The following NRG1 variants were observed in gnomAD, a reference collection of about 807,000 sequenced individuals.
NRG1 encodes neuregulin 1, also known as pro-neuregulin-1, membrane-bound isoform.
Under a neutral mutation model 63.8 loss-of-function variants are expected in NRG1, and 18 were observed. That is an observed-to-expected ratio of 0.28 (90% CI 0.19 to 0.42). The LOEUF (loss-of-function observed/expected upper bound fraction) is 0.42. Ranked by LOEUF, NRG1 falls within the 10% of genes least tolerant of loss-of-function variation. NRG1 has a pLI of 1.00. For missense variants in NRG1, 762 were observed against 814.7 expected (o/e 0.94, Z 0.79); for synonymous variants, 302 against 301.3 (o/e 1.00, Z -0.02).
At chr8:31,950,368 T>A (rs1372964205) in intron 1 of NRG1, among the ~76,000 whole-genome samples, 1 of 152,160 alleles carries the variant, frequency 6.6e-6, no homozygotes, top group Admixed American at 6.5e-5. Context: ...AGACAGTAAA[T>A]CATATTGTTT....
At chr8:32,243,624 T>G (rs1848335685) in intron 1 of NRG1, among the ~76,000 whole-genome samples, 1 of 152,094 alleles carries the variant, frequency 6.6e-6, no homozygotes, top group Non-Finnish European at 1.5e-5. Flanking sequence ...TAGTAAGATG[T>G]CATGCTGAGG....
intron 1 of NRG1, among the ~76,000 whole-genome samples, chr8:32,008,671 A>G (rs1404270576): frequency 1.3e-5 from 2 of 152,066 alleles, no homozygotes; most frequent in African/African-American, 4.8e-5. Flanking sequence ...ACAATTTACC[A>G]GATTATGTCA....
At chr8:32,080,779 G>GCA (rs1827341612) in intron 1 of NRG1, among the ~76,000 whole-genome samples, 2 of 149,696 alleles carry the variant, frequency 1.3e-5, no homozygotes, top group Non-Finnish European at 1.5e-5. Context: ...GTGTGTGTGT[G>GCA]TGTGTGTGTG....
At position 31,770,796 on chromosome 8, in the gene NRG1, T is replaced by TAC. The variant is rs1156914990; in HGVS notation, c.37+131367_37+131368dup. ...ATATATATATATATATATATATATA[T>TAC]ACATATATAAACTTGTTTTGTGAAT... On this transcript the variant is annotated intron_variant, in intron 1 of 10. Transcript: ENST00000519301. Among the ~76,000 whole-genome samples, 196 of 144,560 alleles carry TAC rather than the reference T, an allele frequency of 1.4e-3. 3 individuals carry two copies. Among genetic ancestry groups the TAC allele is most frequent in the Admixed American group, 3.1e-3 (45 of 14,456 alleles). 94.8% of individuals were successfully genotyped at this position (144,560 alleles called of 152,430 possible). A position where few individuals can be genotyped will look rare whatever the true frequency, so the allele number is the denominator to read the frequency against.
At chr8:32,689,847 G>A (rs1811129512) in intron 5 of NRG1, among the ~76,000 whole-genome samples, 3 of 152,108 alleles carry the variant, frequency 2.0e-5, no homozygotes, top group South Asian at 4.1e-4. Flanking sequence ...TCACATACAT[G>A]TCATGATAAT....
At chr8:31,646,751 T>C (rs1488779174) in intron 1 of NRG1, among the ~76,000 whole-genome samples, 2 of 152,224 alleles carry the variant, frequency 1.3e-5, no homozygotes, top group Non-Finnish European at 1.5e-5. Context: ...GGTTGGATAG[T>C]GGAAATCACT....
rs183704689 is a variant in NRG1 at position 32,134,234 on chromosome 8, A to G, written c.38-461594A>G. Among the ~76,000 whole-genome samples, 456 of 152,284 alleles carry G rather than the reference A, an allele frequency of 3.0e-3. 3 individuals are homozygous for G. Among genetic ancestry groups the G allele is most frequent in the African/African-American group, 0.011 (439 of 41,554 alleles). The stretch of plus-strand genomic sequence containing the variant: ...GCAGTTAATTTAAGGCAGCAAAGTC[A>G]CGCCTATACATTATTTCTGTAATGT... On this transcript the variant is annotated intron_variant, in intron 1 of 10. Transcript: ENST00000519301.
At chr8:32,459,941 A>C (rs1444085424) in intron 1 of NRG1, among the ~76,000 whole-genome samples, 1 of 152,222 alleles carries the variant, frequency 6.6e-6, no homozygotes, top group African/African-American at 2.4e-5. Context: ...CTCTCACCTC[A>C]GGCTGGTGTT....
intron 1 of NRG1, among the ~76,000 whole-genome samples, chr8:32,134,074 A>C (rs901301922): frequency 3.9e-5 from 6 of 152,166 alleles, no homozygotes; most frequent in Non-Finnish European, 8.8e-5. Context: ...TCTGCATCTT[A>C]CATTTTGTTA....
intron 5 of NRG1, among the ~76,000 whole-genome samples, chr8:32,656,830 G>A (rs1439770102): frequency 6.8e-6 from 1 of 146,748 alleles, no homozygotes. Flanking sequence ...AAAACTTGGT[G>A]AAATAAAATG....
chr8:32,071,210 G>T (rs1825712854), intron 1 of NRG1, among the ~76,000 whole-genome samples: 1 of 152,130 alleles, frequency 6.6e-6, no homozygotes, highest in African/African-American at 2.4e-5. Flanking sequence ...TCTGTTGTGT[G>T]TTCACCTTGG....
intron 5 of NRG1, among the ~76,000 whole-genome samples, chr8:32,722,230 T>C (rs530867830): frequency 1.3e-5 from 2 of 152,332 alleles, no homozygotes; most frequent in African/African-American, 4.8e-5. Flanking sequence ...CAGGATCTAA[T>C]GATTGCTTTG....
chr8:31,654,923 A>G (rs1392628231), intron 1 of NRG1, among the ~76,000 whole-genome samples: 1 of 152,256 alleles, frequency 6.6e-6, no homozygotes, highest in Non-Finnish European at 1.5e-5. Context: ...CCTGGGTAAC[A>G]GAATAAGACC....
chr8:32,437,782 T>C (rs1371662241), intron 1 of NRG1, among the ~76,000 whole-genome samples: 1 of 152,176 alleles, frequency 6.6e-6, no homozygotes, highest in Non-Finnish European at 1.5e-5. Context: ...GTAGGACATA[T>C]CTGATGGAAA....
intron 1 of NRG1, among the ~76,000 whole-genome samples, chr8:31,760,971 T>C (rs1817486410): frequency 6.6e-6 from 1 of 152,158 alleles, no homozygotes; most frequent in African/African-American, 2.4e-5. Context: ...CAAAGGACTG[T>C]AAATCATGCT....
At chr8:32,621,795 T>G (rs1324682429) in intron 5 of NRG1, among the ~76,000 whole-genome samples, 1 of 152,198 alleles carries the variant, frequency 6.6e-6, no homozygotes, top group South Asian at 2.1e-4. Flanking sequence ...CACTGTACGT[T>G]GAAACTGATA....
intron 1 of NRG1, among the ~76,000 whole-genome samples, chr8:32,271,632 C>T (rs1233793138): frequency 6.6e-6 from 1 of 152,014 alleles, no homozygotes; most frequent in African/African-American, 2.4e-5. Flanking sequence ...ACCTGGTGAA[C>T]CCCCCACACC....
chr8:32,210,882 A>T (rs1056968776), intron 1 of NRG1, among the ~76,000 whole-genome samples: 1 of 152,244 alleles, frequency 6.6e-6, no homozygotes. Context: ...TTAACCATAG[A>T]TAAATGTCCC....
chr8:32,067,610 A>G lies in NRG1; in HGVS notation c.37+428179A>G, dbSNP rs759155937. Among the ~76,000 whole-genome samples, 12 of 152,240 alleles carry G rather than the reference A, an allele frequency of 7.9e-5. No homozygotes were observed. In the East Asian group the frequency reaches 1.9e-3, roughly 25 times the overall value. On this transcript the variant is annotated intron_variant, in intron 1 of 10. Transcript: ENST00000519301. ...GTTTGCCAGTATTTTATGGCCGTCA[A>G]TTTTTGACCCTGAGAGTGAACCTCA...
Sources: allele counts gnomAD v4.1 joint callset (sites outside exome capture counted in the v4.1 genomes callset), GRCh38; gene constraint gnomAD v4.1.1; transcripts MANE v1.5; gene names NCBI Gene and HGNC (gene_info 2026-07-23, HGNC 2026-07-21).